The following STXBP4 variants were observed in gnomAD, a reference collection of about 807,000 sequenced individuals.
STXBP4 encodes syntaxin binding protein 4, also known as syntaxin-binding protein 4.
A neutral mutation model predicts 76.1 loss-of-function variants in STXBP4; 55 were observed. The ratio of observed to expected loss-of-function variants is 0.72; its 90% CI spans 0.58 to 0.91. The LOEUF (loss-of-function observed/expected upper bound fraction) is 0.91. STXBP4 is among the 40% of genes least tolerant of loss of function. The pLI is 0.00. For missense variants in STXBP4, 618 were observed against 636.9 expected, an observed-to-expected ratio of 0.97 and a Z score of 0.32; for synonymous variants, 201 against 220.2, an observed-to-expected ratio of 0.91 and a Z score of 0.77.
intron 12 of STXBP4, among the ~76,000 whole-genome samples, chr17:55,063,827 C>G (rs2079020280): frequency 6.6e-6 from 1 of 152,164 alleles, no homozygotes; most frequent in East Asian, 1.9e-4. Flanking sequence ...CACTAAAATT[C>G]CATTATTCAG....
intron 17 of STXBP4, among the ~76,000 whole-genome samples, chr17:55,156,424 G>C (rs1272432656): frequency 6.6e-6 from 1 of 152,128 alleles, no homozygotes; most frequent in Non-Finnish European, 1.5e-5. Context: ...AAATTGAATG[G>C]TATACACACA....
intron 6 of STXBP4, 117 bp downstream of exon 6, chr17:54,999,959 T>A (rs1382322782): frequency 1.2e-6 from 1 of 839,532 alleles, no homozygotes; most frequent in African/African-American, 1.7e-5. Context: ...AAATTAATAT[T>A]TCTTTGAAAG....
At chr17:55,022,170 C>G (rs1007509965) in intron 8 of STXBP4, among the ~76,000 whole-genome samples, 1 of 151,414 alleles carries the variant, frequency 6.6e-6, no homozygotes, top group Non-Finnish European at 1.5e-5. Flanking sequence ...GCTTTATATA[C>G]CAAAATATTA....
rs910274974 is a variant in STXBP4 at position 55,172,665 on chromosome 17, C to T, written c.*12754C>T. ...AAGTTACAGTTTAAAGTTTGCATCT[C>T]GTAATAACTTGGTGAGATAGGGCAA... On this transcript the variant is annotated 3_prime_UTR_variant, in exon 18 of 18. Coordinates refer to ENST00000376352, the MANE Select transcript of STXBP4 (RefSeq NM_178509.6). 2 of 152,154 alleles carry T rather than the reference C, an allele frequency of 1.3e-5. No individual in the cohort carries two copies. The highest frequency in any genetic ancestry group is 1.9e-4 in the East Asian group (1 of 5,196). 9.4% of individuals were successfully genotyped at this position (152,154 alleles called of 1,614,324 possible).
chr17:55,023,287 C>T (rs994450934), intron 8 of STXBP4, among the ~76,000 whole-genome samples: 9 of 152,068 alleles, frequency 5.9e-5, no homozygotes, highest in Non-Finnish European at 8.8e-5. Flanking sequence ...GTTGAGTCTC[C>T]CTTATCCAAA....
At chr17:55,178,048 G>C (rs1460540757), downstream of STXBP4, among the ~76,000 whole-genome samples, 1 of 152,118 alleles carries the variant, frequency 6.6e-6, no homozygotes, top group Non-Finnish European at 1.5e-5. Flanking sequence ...CATTTTTCCC[G>C]AGGATAACAT....
At position 55,032,231 on chromosome 17, in the gene STXBP4, A is replaced by C. The variant is rs569720245; in HGVS notation, c.763+967A>C. ...AGATGTAACATTGTATTATTTATAA[A>C]GCATCTGTATTGCTGAAAAAAAATT... On this transcript the variant is annotated intron_variant, in intron 9 of 17. Coordinates refer to ENST00000376352, the MANE Select transcript of STXBP4 (RefSeq NM_178509.6). Among the ~76,000 whole-genome samples, 52 of 152,182 alleles carry C rather than the reference A, an allele frequency of 3.4e-4. No homozygotes were observed. In the South Asian group the frequency reaches 9.8e-3, roughly 29 times the overall value.
At chr17:55,038,225 A>G (rs982992568) in intron 10 of STXBP4, among the ~76,000 whole-genome samples, 1 of 152,076 alleles carries the variant, frequency 6.6e-6, no homozygotes, top group Non-Finnish European at 1.5e-5. Flanking sequence ...AAAAGTGTAC[A>G]ATTTGATGAA....
intron 5 of STXBP4, 80 bp downstream of exon 5, chr17:54,999,531 T>C: frequency 6.9e-7 from 1 of 1,449,204 alleles, no homozygotes; most frequent in Non-Finnish European, 9.4e-7. Context: ...TATTAAGTAC[T>C]TTATAATAAG....
At chr17:55,138,873 GTGAT>G (rs1417245993) in intron 16 of STXBP4, among the ~76,000 whole-genome samples, 1 of 152,056 alleles carries the variant, frequency 6.6e-6, no homozygotes, top group Non-Finnish European at 1.5e-5. Context: ...TAATTGGACA[GTGAT>G]TGTTTTCTAT....
chr17:55,186,052 T>C, the STXBP4 span, among the ~76,000 whole-genome samples: 1 of 152,148 alleles, frequency 6.6e-6, no homozygotes, highest in Non-Finnish European at 1.5e-5. Context: ...GACATAACAA[T>C]TACTACGCCA....
chr17:54,988,812 C>T (rs2144389470), intron 3 of STXBP4, among the ~76,000 whole-genome samples: 1 of 152,190 alleles, frequency 6.6e-6, no homozygotes, highest in East Asian at 1.9e-4. Flanking sequence ...GCATTTTGGA[C>T]CCTTGGACCC....
At chr17:55,014,439 C>T (rs1828043045) in intron 8 of STXBP4, among the ~76,000 whole-genome samples, 1 of 152,142 alleles carries the variant, frequency 6.6e-6, no homozygotes, top group Non-Finnish European at 1.5e-5. Context: ...CTAGTTACAA[C>T]TTAGTGGCTG....
intron 10 of STXBP4, among the ~76,000 whole-genome samples, chr17:55,040,106 G>A (rs1302748992): frequency 6.6e-6 from 1 of 152,242 alleles, no homozygotes; most frequent in Non-Finnish European, 1.5e-5. Flanking sequence ...TAGCCTAAAT[G>A]TGCAGAAGGG....
chr17:55,116,566 G>C (rs1182426873), intron 16 of STXBP4, among the ~76,000 whole-genome samples: 1 of 151,780 alleles, frequency 6.6e-6, no homozygotes, highest in Admixed American at 6.6e-5. Flanking sequence ...TTTCTGTCTA[G>C]TGGTTACCCT....
intron 4 of STXBP4, among the ~76,000 whole-genome samples, chr17:54,997,569 A>G (rs1319847240): frequency 6.9e-6 from 1 of 145,854 alleles, no homozygotes; most frequent in Non-Finnish European, 1.5e-5. Context: ...TATATATTAT[A>G]TAATATAAAT....
the STXBP4 span, among the ~76,000 whole-genome samples, chr17:55,185,082 G>C: frequency 1.3e-5 from 2 of 152,090 alleles, no homozygotes; most frequent in Non-Finnish European, 2.9e-5. Context: ...CATTGCTGAG[G>C]CTGGTCTAGA....
chr17:54,973,539 T>G (rs2077428422), intron 1 of STXBP4, among the ~76,000 whole-genome samples: 1 of 152,212 alleles, frequency 6.6e-6, no homozygotes. Flanking sequence ...CTTATGATGA[T>G]GAAAGGTCTG....
rs1174151691 is a variant in STXBP4, at chr17:55,035,976, A to G, written c.855+1717A>G. ...GAATGGCTCAATTGAGCTAATTAAC[A>G]TATGCTTTACCTCAAATAATTTATC... On this transcript the variant is annotated intron_variant, in intron 10 of 17. Coordinates refer to ENST00000376352, the MANE Select transcript of STXBP4 (RefSeq NM_178509.6). Among the ~76,000 whole-genome samples, 3 of 152,102 alleles carry G rather than the reference A, an allele frequency of 2.0e-5. No individual in the cohort carries two copies. The East Asian group carries it at 5.8e-4, about 29-fold the overall frequency.
Sources: gnomAD v4.1 joint callset for allele counts (sites outside exome capture counted in the v4.1 genomes callset) on GRCh38, gnomAD v4.1.1 for gene constraint, MANE v1.5 for transcripts, NCBI Gene and HGNC (gene_info 2026-07-23, HGNC 2026-07-21) for gene names.